Variants in BAZ2B observed in about 807,000 individuals in gnomAD.
BAZ2B encodes bromodomain adjacent to zinc finger domain protein 2B.
BAZ2B carries 91 observed loss-of-function variants against 246.0 expected under a neutral mutation model. The ratio of observed to expected loss-of-function variants is 0.37; its 90% confidence interval spans 0.31 to 0.44. The LOEUF is 0.44. Among genes scored for constraint, BAZ2B ranks in the 20% least tolerant of loss-of-function variants. BAZ2B has a pLI of 1.00. For missense variants in BAZ2B, 2,332 were observed against 2,533.7 expected (o/e 0.92, Z 1.71); for synonymous variants, 855 against 860.0 (o/e 0.99, Z 0.10).
intron 2 of BAZ2B, among the ~76,000 whole-genome samples, chr2:159,538,970 G>A (rs2086331305): frequency 6.6e-6 from 1 of 152,162 alleles, no homozygotes; most frequent in South Asian, 2.1e-4. Context: ...CTATAAAGTT[G>A]GAAAACATAA....
the BAZ2B span, among the ~76,000 whole-genome samples, chr2:159,629,737 T>C: frequency 3.9e-5 from 6 of 152,232 alleles, no homozygotes; most frequent in East Asian, 1.2e-3. Flanking sequence ...GATGGGTTAA[T>C]GGATGCAGTA....
At chr2:159,669,722 T>A in the BAZ2B span, among the ~76,000 whole-genome samples, 1 of 152,196 alleles carries the variant, frequency 6.6e-6, no homozygotes, top group Non-Finnish European at 1.5e-5. Flanking sequence ...TTATGCTGTT[T>A]ACCTGGTATA....
At chr2:159,332,290 C>A in intron 34 of BAZ2B, among the ~76,000 whole-genome samples, 1 of 148,882 alleles carries the variant, frequency 6.7e-6, no homozygotes, top group Admixed American at 6.8e-5. Context: ...GGGATGAGAC[C>A]ACTGCAGGCA....
intron 25 of BAZ2B, among the ~76,000 whole-genome samples, chr2:159,377,247 G>A (rs1216237582): frequency 6.6e-6 from 1 of 152,026 alleles, no homozygotes; most frequent in Non-Finnish European, 1.5e-5. Flanking sequence ...TAACTGAGAG[G>A]CCAAATCTAT....
intron 9 of BAZ2B, 91 bp downstream of exon 9, chr2:159,432,666 G>A (rs967926171): frequency 5.4e-6 from 8 of 1,471,022 alleles, no homozygotes; most frequent in Middle Eastern, 2.5e-4. Flanking sequence ...AGTAAATGAC[G>A]CTGATTTTAA....
intron 25 of BAZ2B, among the ~76,000 whole-genome samples, chr2:159,375,671 T>C (rs2061340452): frequency 2.0e-5 from 3 of 152,164 alleles, no homozygotes. Context: ...AGGGATATGG[T>C]TCTTACTAGC....
chr2:159,609,841 T>TGTGA (rs1694328949), intron 1 of BAZ2B, among the ~76,000 whole-genome samples: 1 of 151,376 alleles, frequency 6.6e-6, no homozygotes, highest in African/African-American at 2.4e-5. Context: ...ACAGGCTCCA[T>TGTGA]GTGAGTGGAA....
Position 159,590,571 on chromosome 2 carries a change from G to A in BAZ2B, c.-46+25671C>T, listed in dbSNP as rs1689163877. ...CGTGCCACTTCACTCCAGCCTAGGA[G>A]AAAGAACAAAACTCCGACTCAAAAT... On this transcript the variant is annotated intron_variant, in intron 1 of 36. Transcript: ENST00000392783. Among the ~76,000 whole-genome samples, 3 of 151,006 alleles carry A rather than the reference G, an allele frequency of 2.0e-5. No individual in the cohort carries two copies. The Admixed American group carries it at 2.0e-4, about 10-fold the overall frequency.
At position 159,531,114 on chromosome 2, in the gene BAZ2B, G is replaced by A. The variant is rs569259858; in HGVS notation, c.-3+24709C>T. Among the ~76,000 whole-genome samples the A allele has an allele frequency of 3.8e-4, 58 of 152,260 alleles. 1 individual carries two copies. The highest frequency in any genetic ancestry group is 6.8e-4 in the Non-Finnish European group (46 of 68,012). Reference sequence around the variant, plus strand: ...TGTCATGAATAATTAGGTGTATTCTGTGGGTATTATGTTTTATTTAAAGAG... The same window carrying A: ...TGTCATGAATAATTAGGTGTATTCTATGGGTATTATGTTTTATTTAAAGAG... On this transcript the variant is annotated intron_variant, in intron 2 of 36. Coordinates refer to ENST00000392783, the MANE Select transcript of BAZ2B (RefSeq NM_013450.4).
intron 19 of BAZ2B, 68 bp from the exon 20 acceptor site, chr2:159,395,902 A>C (rs2063950878): frequency 1.5e-6 from 2 of 1,333,270 alleles, no homozygotes; most frequent in South Asian, 2.7e-5. Flanking sequence ...CCAATGAAAA[A>C]ACAAAAACAA....
intron 1 of BAZ2B, among the ~76,000 whole-genome samples, chr2:159,606,355 A>C (rs1353479752): frequency 6.6e-6 from 1 of 152,226 alleles, no homozygotes; most frequent in Non-Finnish European, 1.5e-5. Flanking sequence ...TGTTTTTCTC[A>C]GCATGCTGCA....
chr2:159,357,785 G>T (rs1485036611), intron 27 of BAZ2B, among the ~76,000 whole-genome samples: 1 of 152,180 alleles, frequency 6.6e-6, no homozygotes, highest in African/African-American at 2.4e-5. Flanking sequence ...AACCTTACAA[G>T]CCAGAAGAGA....
the BAZ2B span, among the ~76,000 whole-genome samples, chr2:159,704,252 G>A: frequency 1.3e-5 from 2 of 152,082 alleles, no homozygotes; most frequent in East Asian, 3.9e-4. Context: ...GTACAGATGA[G>A]GTGTTTTTAA....
intron 36 of BAZ2B, among the ~76,000 whole-genome samples, chr2:159,324,429 G>T (rs11682086): frequency 0.35 from 53,724 of 151,932 alleles, 12,401 homozygotes; most frequent in Non-Finnish European, 0.53. Flanking sequence ...ACGTGTGGTT[G>T]ATACTCCATG....
intron 1 of BAZ2B, among the ~76,000 whole-genome samples, chr2:159,595,766 C>A (rs1440202391): frequency 6.6e-6 from 1 of 152,226 alleles, no homozygotes; most frequent in Non-Finnish European, 1.5e-5. Flanking sequence ...CAGTCCATAG[C>A]CCACTCTTGT....
chr2:159,429,275 A>C lies in BAZ2B; in HGVS notation c.2195-15T>G. The C allele has an allele frequency of 1.3e-6, 2 of 1,502,090 alleles. No homozygotes were observed. The highest frequency in any genetic ancestry group is 1.8e-6 in the Non-Finnish European group (2 of 1,103,462). The allele number at this position is 1,502,090 out of a possible 1,614,324, so 93.0% of individuals were successfully genotyped here. A position where few individuals can be genotyped will look rare whatever the true frequency, so the allele number is the denominator to read the frequency against. On this transcript the variant is annotated splice_polypyrimidine_tract_variant and intron_variant, in intron 10 of 36. Coordinates refer to ENST00000392783, the MANE Select transcript of BAZ2B (RefSeq NM_013450.4). ...TTTGGAAGTGCCTTTAAAAAAATTC[A>C]ATTGGTTAATATAAAACATTCATTA... is the stretch of plus-strand genomic sequence containing the variant.
chr2:159,584,733 T>G (rs191459671), intron 1 of BAZ2B, among the ~76,000 whole-genome samples: 71 of 152,330 alleles, frequency 4.7e-4, no homozygotes, highest in Non-Finnish European at 1.9e-4. Flanking sequence ...CCAAATCTCA[T>G]GCTGAAATGT....
Position 159,513,321 on chromosome 2 carries a change from C to T in BAZ2B, c.-2-34600G>A, listed in dbSNP as rs116905019. On this transcript the variant is annotated intron_variant, in intron 2 of 36. Coordinates refer to ENST00000392783, the MANE Select transcript of BAZ2B (RefSeq NM_013450.4). ...TAGTAAATATGTAAAGTAGATAATG[C>T]CAAGATTCATTCAAGTATGTAGCAA... Among the ~76,000 whole-genome samples, 62 of 152,250 alleles carry T rather than the reference C, an allele frequency of 4.1e-4. No individual in the cohort carries two copies. The East Asian group carries it at 0.012, about 28-fold the overall frequency.
At chr2:159,451,728 T>A (rs1577186266) in intron 4 of BAZ2B, among the ~76,000 whole-genome samples, 1 of 152,312 alleles carries the variant, frequency 6.6e-6, no homozygotes, top group Middle Eastern at 3.4e-3. Flanking sequence ...AATAAGTGAA[T>A]ACTTTATTTT....
Sources: gnomAD v4.1 joint callset for allele counts (sites outside exome capture counted in the v4.1 genomes callset) on GRCh38, gnomAD v4.1.1 for gene constraint, MANE v1.5 for transcripts, NCBI Gene and HGNC (gene_info 2026-07-23, HGNC 2026-07-21) for gene names.